The following MYO5B variants were observed in gnomAD, a reference collection of about 807,000 sequenced individuals.
MYO5B encodes the protein myosin VB.
MYO5B carries 143 observed loss-of-function variants against 229.3 expected under a neutral mutation model. That is an observed-to-expected ratio of 0.62 (90% CI 0.54 to 0.72). The LOEUF is 0.72. MYO5B is among the 30% of genes least tolerant of loss of function. The pLI is 0.00. For missense variants in MYO5B, 2,321 were observed against 2,331.0 expected, an observed-to-expected ratio of 1.00 and a Z score of 0.09; for synonymous variants, 918 against 885.2, an observed-to-expected ratio of 1.04 and a Z score of -0.66.
intron 4 of MYO5B, among the ~76,000 whole-genome samples, chr18:50,013,210 G>A (rs1345078528): frequency 6.6e-6 from 1 of 152,180 alleles, no homozygotes; most frequent in Non-Finnish European, 1.5e-5. Context: ...TAGGCTGGCA[G>A]GAAAACTTGC....
intron 1 of MYO5B, among the ~76,000 whole-genome samples, chr18:50,086,847 C>A (rs2031341267): frequency 6.6e-6 from 1 of 152,096 alleles, no homozygotes; most frequent in African/African-American, 2.4e-5. Flanking sequence ...CACAACTGGT[C>A]AACTCACAGA....
intron 1 of MYO5B, chr18:50,099,074 G>A (rs2031607373): frequency 6.6e-6 from 1 of 152,546 alleles, no homozygotes; most frequent in Non-Finnish European, 1.5e-5. Context: ...TCAAGCACAA[G>A]TTGCCTTTTT....
intron 12 of MYO5B, among the ~76,000 whole-genome samples, chr18:49,959,825 C>A (rs1156278181): frequency 1.3e-5 from 2 of 152,210 alleles, no homozygotes; most frequent in African/African-American, 2.4e-5. Context: ...GGCACCTACT[C>A]CCCACCCGCC....
At chr18:50,173,378 C>T (rs768667419) in intron 1 of MYO5B, among the ~76,000 whole-genome samples, 4 of 151,884 alleles carry the variant, frequency 2.6e-5, no homozygotes, top group African/African-American at 4.8e-5. Context: ...TACAGGAGGC[C>T]TCATGGGCCT....
In MYO5B at chr18:50,088,689, T is replaced by C. The variant is rs1333975482; in HGVS notation, c.28-33311A>G. Among the ~76,000 whole-genome samples the C allele has an allele frequency of 5.3e-5, 8 of 152,370 alleles. 1 individual carries two copies. Among genetic ancestry groups the C allele is most frequent in the Admixed American group, 4.6e-4 (7 of 15,306 alleles). ...TAGATTATGTATAAGCACATGGCCA[T>C]TTAAAATGTATGCATTCACACATGT... is the stretch of plus-strand genomic sequence containing the variant. On this transcript the variant is annotated intron_variant, in intron 1 of 39. Coordinates refer to ENST00000285039, the MANE Select transcript of MYO5B (RefSeq NM_001080467.3).
chr18:49,943,358 T>G (rs1291621449), intron 14 of MYO5B, among the ~76,000 whole-genome samples: 1 of 151,914 alleles, frequency 6.6e-6, no homozygotes, highest in East Asian at 1.9e-4. Flanking sequence ...TAAAGTATAA[T>G]TAAAAAAAAA....
intron 29 of MYO5B, among the ~76,000 whole-genome samples, chr18:49,859,098 G>A (rs1325959984): frequency 6.6e-6 from 1 of 152,164 alleles, no homozygotes; most frequent in African/African-American, 2.4e-5. Flanking sequence ...AGTGAGGCTC[G>A]GCATCCAGGA....
intron 1 of MYO5B, among the ~76,000 whole-genome samples, chr18:50,152,911 C>T (rs977336646): frequency 6.6e-6 from 1 of 150,392 alleles, no homozygotes; most frequent in African/African-American, 2.4e-5. Flanking sequence ...AACACATGTC[C>T]CTTGTTCATA....
Position 49,880,440 on chromosome 18 carries a change from C to G in MYO5B, c.3061G>C (p.Glu1021Gln). 2 of 1,613,960 alleles carry G rather than the reference C, an allele frequency of 1.2e-6. No individual in the cohort carries two copies. The highest frequency in any genetic ancestry group is 1.7e-6 in the Non-Finnish European group (2 of 1,179,900). ...TCTTTCAAGAGAGCATTTTCTTGCT[C>G]CAGGTCTGCAACTCGCTGGAAGAGA... ...DELRKRVADL[E>Q]QENALLKDEK... The change falls in exon 23 of 40, where the codon GAG (glutamate) becomes CAG (glutamine). Residue 1021 changes from glutamate (E) to glutamine (Q), a missense_variant. By Grantham distance (29) the Glu-to-Gln change is conservative (BLOSUM62 2). Transcript: ENST00000285039.
At chr18:49,994,445 T>C (rs9960655) in intron 5 of MYO5B, among the ~76,000 whole-genome samples, 140,317 of 152,290 alleles carry the variant, frequency 0.92, 64,728 homozygotes, top group East Asian at 0.99. Flanking sequence ...ATATACACTT[T>C]TACTTTAGGG....
chr18:50,052,022 T>C (rs780924546), intron 2 of MYO5B, among the ~76,000 whole-genome samples: 29 of 152,274 alleles, frequency 1.9e-4, no homozygotes, highest in Middle Eastern at 3.4e-3. Flanking sequence ...CTCACACCAG[T>C]TAGAATGGCG....
rs373250519 is a variant in MYO5B, at chr18:49,836,894, T to C, written c.5139-9A>G. ...GCTGACTTATATTGTACCTTAGCCA[T>C]AGGTAGAAAGCAAGCTATGTTAAGC... On this transcript the variant is annotated splice_polypyrimidine_tract_variant and intron_variant, in intron 37 of 39. Transcript: ENST00000285039. The C allele has an allele frequency of 1.5e-5, 24 of 1,613,652 alleles. No individual in the cohort carries two copies. Among genetic ancestry groups the C allele is most frequent in the Admixed American group, 3.3e-5 (2 of 60,022 alleles).
intron 1 of MYO5B, among the ~76,000 whole-genome samples, chr18:50,059,610 C>T (rs887192094): frequency 3.9e-5 from 6 of 152,168 alleles, no homozygotes; most frequent in Non-Finnish European, 8.8e-5. Context: ...ACACGTGGAA[C>T]ACATTGAGAT....
intron 1 of MYO5B, among the ~76,000 whole-genome samples, chr18:50,116,879 A>C (rs2031972857): frequency 6.6e-6 from 1 of 152,028 alleles, no homozygotes; most frequent in South Asian, 2.1e-4. Flanking sequence ...AAAACCACAC[A>C]CAACATCAAC....
At chr18:49,909,190 G>T (rs2024931957) in intron 18 of MYO5B, among the ~76,000 whole-genome samples, 2 of 152,216 alleles carry the variant, frequency 1.3e-5, no homozygotes, top group South Asian at 4.1e-4. Flanking sequence ...AAAGTCCCAG[G>T]TCACTCAGCA....
rs181468288 is a variant in MYO5B, at chr18:50,106,414, T to A, written c.28-51036A>T. Among the ~76,000 whole-genome samples, 62 of 152,304 alleles carry A rather than the reference T, an allele frequency of 4.1e-4. 1 individual carries two copies. The highest frequency in any genetic ancestry group is 2.3e-3 in the Admixed American group (35 of 15,308). On this transcript the variant is annotated intron_variant, in intron 1 of 39. Coordinates refer to ENST00000285039, the MANE Select transcript of MYO5B (RefSeq NM_001080467.3). ...TGTTCTTGGGACCCAAGTCCTAGTGTGTCAAAGGGGTCATCATCATCTGGC... is the reference window on the plus strand; with the variant it reads ...TGTTCTTGGGACCCAAGTCCTAGTGAGTCAAAGGGGTCATCATCATCTGGC...
At chr18:49,897,810 G>C (rs1194902632) in intron 21 of MYO5B, among the ~76,000 whole-genome samples, 4 of 152,206 alleles carry the variant, frequency 2.6e-5, no homozygotes, top group Non-Finnish European at 5.9e-5. Context: ...GGAGTGGACA[G>C]TTTATAAAGT....
intron 29 of MYO5B, 35 bp downstream of exon 29, chr18:49,863,192 G>A: frequency 6.4e-7 from 1 of 1,554,644 alleles, no homozygotes; most frequent in African/African-American, 1.4e-5. Context: ...CTTCTCCGCG[G>A]CCTCGTCCAG....
At chr18:50,065,873 G>A (rs1261891124) in intron 1 of MYO5B, among the ~76,000 whole-genome samples, 3 of 152,090 alleles carry the variant, frequency 2.0e-5, no homozygotes, top group Admixed American at 6.6e-5. Flanking sequence ...GGAAGGAGGT[G>A]GTTTCCAGGC....
Sources: allele counts gnomAD v4.1 joint callset (sites outside exome capture counted in the v4.1 genomes callset), GRCh38; gene constraint gnomAD v4.1.1; transcripts MANE v1.5; gene names NCBI Gene and HGNC (gene_info 2026-07-23, HGNC 2026-07-21).